Variants in XKR9 observed in about 807,000 individuals in gnomAD.
XKR9 encodes the protein XK related 9, also known as XK-related protein 9.
A neutral mutation model predicts 32.0 loss-of-function variants in XKR9; 32 were observed. The observed-to-expected ratio is 1.00, with a 90% CI of 0.76 to 1.34. XKR9 has a LOEUF of 1.34. Ranked by LOEUF, XKR9 falls within the 40% of genes most tolerant of loss-of-function variation. XKR9 has a pLI of 0.00. For synonymous variants in XKR9, 168 were observed against 143.4 expected, an observed-to-expected ratio of 1.17 and a Z score of -1.22; for missense variants, 546 against 429.7, an observed-to-expected ratio of 1.27 and a Z score of -2.39.
chr8:70,962,873 G>T, the XKR9 span, among the ~76,000 whole-genome samples: 1 of 152,156 alleles, frequency 6.6e-6, no homozygotes, highest in African/African-American at 2.4e-5. Context: ...ATGTCAGAGG[G>T]TAAGGTCCTA....
At chr8:70,885,937 A>G in the XKR9 span, among the ~76,000 whole-genome samples, 1 of 152,098 alleles carries the variant, frequency 6.6e-6, no homozygotes, top group Non-Finnish European at 1.5e-5. Context: ...CATGTGCAGA[A>G]CGTGCAGTTT....
the XKR9 span, among the ~76,000 whole-genome samples, chr8:71,052,758 G>A: frequency 6.6e-6 from 1 of 152,214 alleles, no homozygotes; most frequent in Non-Finnish European, 1.5e-5. Flanking sequence ...CAGCTGCCCT[G>A]TGAGTGGTCA....
At chr8:71,023,978 A>G in the XKR9 span, among the ~76,000 whole-genome samples, 26 of 152,250 alleles carry the variant, frequency 1.7e-4, no homozygotes, top group African/African-American at 5.8e-4. Context: ...TGGTGTATAC[A>G]TATACCCTTG....
the XKR9 span, among the ~76,000 whole-genome samples, chr8:70,830,649 C>A: frequency 1.2e-4 from 18 of 152,128 alleles, no homozygotes; most frequent in African/African-American, 4.3e-4. Context: ...AATATTATTT[C>A]TACTAAATAT....
the XKR9 span, among the ~76,000 whole-genome samples, chr8:70,871,313 G>A: frequency 6.6e-6 from 1 of 152,068 alleles, no homozygotes; most frequent in African/African-American, 2.4e-5. Flanking sequence ...GGAACAGCTT[G>A]TTTTATTGGG....
At chr8:70,996,483 A>C in the XKR9 span, among the ~76,000 whole-genome samples, 1 of 152,358 alleles carries the variant, frequency 6.6e-6, no homozygotes, top group Admixed American at 6.5e-5. Context: ...AAAGTTTGAC[A>C]TCTAAGTTAT....
the XKR9 span, among the ~76,000 whole-genome samples, chr8:70,869,545 C>T: frequency 1.3e-5 from 2 of 152,158 alleles, no homozygotes; most frequent in African/African-American, 4.8e-5. Context: ...CTGGGTCCAT[C>T]CCACAACACG....
intron 2 of XKR9, among the ~76,000 whole-genome samples, chr8:70,751,276 C>G (rs1031497708): frequency 2.0e-5 from 3 of 152,084 alleles, no homozygotes; most frequent in Non-Finnish European, 2.9e-5. Flanking sequence ...ATTACAGGCA[C>G]CTGCTACCAT....
chr8:71,041,459 A>G, the XKR9 span, among the ~76,000 whole-genome samples: 3 of 152,218 alleles, frequency 2.0e-5, no homozygotes, highest in East Asian at 3.9e-4. Context: ...CAAGAATATC[A>G]TAAGCATATT....
At chr8:70,939,071 C>T in the XKR9 span, among the ~76,000 whole-genome samples, 4 of 151,642 alleles carry the variant, frequency 2.6e-5, no homozygotes, top group Non-Finnish European at 4.4e-5. Flanking sequence ...AGCCTTATCT[C>T]CCATTAAAAT....
the XKR9 span, among the ~76,000 whole-genome samples, chr8:70,924,295 T>C: frequency 0.011 from 1,609 of 152,338 alleles, 35 homozygotes; most frequent in African/African-American, 0.037. Flanking sequence ...CAGCTTCTTA[T>C]CCTGTTTTTC....
At chr8:70,841,729 A>G in the XKR9 span, among the ~76,000 whole-genome samples, 7 of 152,194 alleles carry the variant, frequency 4.6e-5, no homozygotes, top group Admixed American at 3.9e-4. Context: ...AGGTTATACA[A>G]ATTTTGGCAA....
chr8:71,030,708 G>A, the XKR9 span, among the ~76,000 whole-genome samples: 51 of 152,152 alleles, frequency 3.4e-4, no homozygotes, highest in Non-Finnish European at 6.2e-4. Context: ...GTGAAAGTAG[G>A]TGGACATGGA....
At chr8:70,718,927 C>G (rs563627744) in intron 4 of XKR9, among the ~76,000 whole-genome samples, 2 of 152,266 alleles carry the variant, frequency 1.3e-5, no homozygotes, top group East Asian at 3.9e-4. Flanking sequence ...ATTTACACTC[C>G]CACCAGCAGT....
the XKR9 span, among the ~76,000 whole-genome samples, chr8:70,932,422 A>C: frequency 6.6e-6 from 1 of 152,152 alleles, no homozygotes; most frequent in African/African-American, 2.4e-5. Context: ...CCACTAGTCT[A>C]GGTCAGAGTT....
At chr8:70,956,967 A>G in the XKR9 span, among the ~76,000 whole-genome samples, 1 of 151,954 alleles carries the variant, frequency 6.6e-6, no homozygotes, top group East Asian at 1.9e-4. Context: ...TGCCTCACCA[A>G]CTCGATAGGG....
At chr8:70,710,533 T>C (rs1217322519) in intron 4 of XKR9, among the ~76,000 whole-genome samples, 1 of 152,050 alleles carries the variant, frequency 6.6e-6, no homozygotes, top group Non-Finnish European at 1.5e-5. Context: ...AAACCCCATC[T>C]CTAGTAAACA....
At chr8:70,888,678 C>A in the XKR9 span, among the ~76,000 whole-genome samples, 6 of 151,984 alleles carry the variant, frequency 3.9e-5, no homozygotes, top group East Asian at 1.2e-3. Flanking sequence ...ATATGTATAT[C>A]CAGTTTTCCC....
chr8:70,998,316 A>C, the XKR9 span, among the ~76,000 whole-genome samples: 4 of 152,190 alleles, frequency 2.6e-5, no homozygotes, highest in Admixed American at 6.5e-5. Context: ...GCCAACCTGC[A>C]GGCATTTAGC....
Sources: allele counts gnomAD v4.1 joint callset (sites outside exome capture counted in the v4.1 genomes callset), GRCh38; gene constraint gnomAD v4.1.1; transcripts MANE v1.5; gene names NCBI Gene and HGNC (gene_info 2026-07-23, HGNC 2026-07-21).